TULP4: variants seen among roughly 807,000 people sequenced by gnomAD.
TULP4 encodes TUB like protein 4.
In TULP4, 16 loss-of-function variants were observed where a neutral mutation model predicts 129.0. That is an observed-to-expected ratio of 0.12 (90% CI 0.08 to 0.19). The LOEUF is 0.19. Among genes scored for constraint, TULP4 ranks in the 10% least tolerant of loss-of-function variants. The pLI is 1.00. For synonymous variants in TULP4, 998 were observed against 854.0 expected (o/e 1.17, Z -2.94); for missense variants, 1,842 against 2,059.1 (o/e 0.89, Z 2.04).
chr6:158,401,665 A>C (rs1232408366), intron 1 of TULP4, among the ~76,000 whole-genome samples: 1 of 152,090 alleles, frequency 6.6e-6, no homozygotes, highest in Non-Finnish European at 1.5e-5. Flanking sequence ...AGGTAGAGTC[A>C]GCTCTGGACA....
intron 1 of TULP4, among the ~76,000 whole-genome samples, chr6:158,409,689 A>G (rs911696557): frequency 6.6e-6 from 1 of 152,178 alleles, no homozygotes; most frequent in African/African-American, 2.4e-5. Flanking sequence ...AAATGAGAAT[A>G]ACAGCATTAG....
chr6:158,492,180 G>T (rs1484258507), intron 9 of TULP4, among the ~76,000 whole-genome samples: 1 of 152,126 alleles, frequency 6.6e-6, no homozygotes, highest in Non-Finnish European at 1.5e-5. Flanking sequence ...TTCTAGATTT[G>T]AATCCTTTGT....
At position 158,502,117 on chromosome 6, in the gene TULP4, G is replaced by C; in HGVS notation, c.2454G>C (p.Val818=). The part of the protein sequence containing the change: ...TPQLAAEGDA[V]VFSAPQEVQV... ...AGCTGGCAGCTGAGGGGGACGCAGT[G>C]GTCTTTAGTGCCCCCCAGGAGGTCC... The change falls in exon 13 of 14, where the codon GTG becomes GTC. Residue 818 remains valine, a synonymous_variant. Transcript: ENST00000367097. 3 of 1,608,652 alleles carry C rather than the reference G, an allele frequency of 1.9e-6. No individual in the cohort carries two copies. The highest frequency in any genetic ancestry group is 2.5e-6 in the Non-Finnish European group (3 of 1,177,348).
chr6:158,295,742 T>C (rs1359845102), intron 1 of TULP4, among the ~76,000 whole-genome samples: 19 of 152,058 alleles, frequency 1.2e-4, no homozygotes, highest in Admixed American at 1.2e-3. Flanking sequence ...TACAAAAAAA[T>C]TAGCCGGGCC....
At chr6:158,361,906 T>A (rs1426746105) in intron 1 of TULP4, among the ~76,000 whole-genome samples, 3 of 152,212 alleles carry the variant, frequency 2.0e-5, no homozygotes, top group Non-Finnish European at 4.4e-5. Flanking sequence ...ACCTACCACA[T>A]CTATTTCTCC....
At position 158,506,778 on chromosome 6, in the gene TULP4, G is replaced by C; in HGVS notation, c.*84G>C. The C allele has an allele frequency of 1.1e-6, 1 of 943,538 alleles. No homozygotes were observed. The highest frequency in any genetic ancestry group is 1.4e-5 in the South Asian group (1 of 71,026). 58.4% of individuals were successfully genotyped at this position (943,538 alleles called of 1,614,324 possible). On this transcript the variant is annotated 3_prime_UTR_variant, in exon 14 of 14. Transcript: ENST00000367097. ...TGCCAGAGGAGCCCTCTAGGGGTCC[G>C]ATGCCTGGGAGGACCAGAAGCCAAC...
intron 1 of TULP4, among the ~76,000 whole-genome samples, chr6:158,295,832 A>C (rs995154222): frequency 9.9e-5 from 15 of 152,242 alleles, no homozygotes; most frequent in African/African-American, 3.1e-4. Flanking sequence ...CAGAGCTTGC[A>C]GTGAACCAAG....
Position 158,501,971 on chromosome 6 carries a change from C to G in TULP4, c.2308C>G (p.Pro770Ala). Residue 770 changes from proline (P) to alanine (A), a missense_variant, in exon 13 of 14, where the codon CCC (proline) becomes GCC (alanine). By Grantham distance (27) the Pro-to-Ala change is conservative (BLOSUM62 -1). Around this residue, in one of 5 missense-constraint regions of TULP4, gnomAD observed 1,089 missense variants for 987.1 expected, o/e 1.10. Coordinates refer to ENST00000367097, the MANE Select transcript of TULP4 (RefSeq NM_020245.5). ...SVEMGRIIQN[P>A]PPLSLPPPPQ... ...GGAAATGGGCCGCATCATTCAGAAC[C>G]CCCCTCCACTGTCCCTGCCTCCCCC... The G allele has an allele frequency of 1.9e-6, 3 of 1,613,630 alleles. No individual in the cohort carries two copies. Among genetic ancestry groups the G allele is most frequent in the Non-Finnish European group, 2.5e-6 (3 of 1,179,944 alleles).
chr6:158,477,597 T>TA, intron 6 of TULP4, among the ~76,000 whole-genome samples: 1 of 152,138 alleles, frequency 6.6e-6, no homozygotes, highest in Non-Finnish European at 1.5e-5. Flanking sequence ...TGGCCATTAT[T>TA]AAAAAATCAA....
intron 5 of TULP4, among the ~76,000 whole-genome samples, chr6:158,452,935 ATC>A (rs1275315186): frequency 3.3e-5 from 5 of 152,204 alleles, no homozygotes; most frequent in Middle Eastern, 3.2e-3. Context: ...TGGAAAAACA[ATC>A]TGTCTCTTCA....
At chr6:158,346,811 A>G (rs1780323920) in intron 1 of TULP4, among the ~76,000 whole-genome samples, 1 of 22,476 alleles carries the variant, frequency 4.4e-5, no homozygotes, top group Non-Finnish European at 1.0e-4. Context: ...TCCTTTCCTC[A>G]TGACTTGATG....
chr6:158,299,199 A>G (rs529685774), intron 1 of TULP4, among the ~76,000 whole-genome samples: 1 of 152,158 alleles, frequency 6.6e-6, no homozygotes, highest in Non-Finnish European at 1.5e-5. Flanking sequence ...TGAACCTCCT[A>G]TGCCAAGTAG....
intron 1 of TULP4, among the ~76,000 whole-genome samples, chr6:158,367,971 T>A (rs185883303): frequency 7.1e-6 from 1 of 141,792 alleles, no homozygotes; most frequent in African/African-American, 2.7e-5. Flanking sequence ...GTGCCTGTAG[T>A]CCCTCCCAGC....
chr6:158,381,199 A>C (rs944232888), intron 1 of TULP4, among the ~76,000 whole-genome samples: 6 of 151,522 alleles, frequency 4.0e-5, no homozygotes, highest in African/African-American at 1.5e-4. Context: ...TTTCTCTCAA[A>C]GTAGTGTTTC....
intron 1 of TULP4, among the ~76,000 whole-genome samples, chr6:158,395,302 C>T (rs775680309): frequency 1.2e-4 from 19 of 152,136 alleles, no homozygotes; most frequent in Non-Finnish European, 2.2e-4. Flanking sequence ...AAGACCTGGC[C>T]GGGCACGGTG....
At chr6:158,418,669 G>A (rs1021322305) in intron 2 of TULP4, among the ~76,000 whole-genome samples, 10 of 152,104 alleles carry the variant, frequency 6.6e-5, no homozygotes, top group Admixed American at 3.3e-4. Context: ...CTCGGAAGGC[G>A]GCAATGGGAG....
intron 6 of TULP4, among the ~76,000 whole-genome samples, chr6:158,469,551 A>G (rs996926192): frequency 9.9e-5 from 15 of 152,038 alleles, no homozygotes; most frequent in African/African-American, 3.6e-4. Context: ...CTGGGATTAC[A>G]GGTCTGAGCC....
chr6:158,434,012 C>A (rs150503130), intron 3 of TULP4, among the ~76,000 whole-genome samples: 1 of 152,310 alleles, frequency 6.6e-6, no homozygotes, highest in East Asian at 1.9e-4. Context: ...AGGCCTGTCT[C>A]CTTGGCTTAC....
At chr6:158,361,603 T>C (rs1780789872) in intron 1 of TULP4, among the ~76,000 whole-genome samples, 1 of 152,226 alleles carries the variant, frequency 6.6e-6, no homozygotes, top group African/African-American at 2.4e-5. Flanking sequence ...ACTTAGCATT[T>C]TAATTACTTT....
Sources: gnomAD v4.1 joint callset for allele counts (sites outside exome capture counted in the v4.1 genomes callset) on GRCh38, gnomAD v4.1.1 for gene constraint, gnomAD v4.1.1 regional missense constraint, MANE v1.5 for transcripts, NCBI Gene and HGNC (gene_info 2026-07-23, HGNC 2026-07-21) for gene names.